Variants in CTNNA3 observed in about 807,000 individuals in gnomAD.
CTNNA3 encodes the protein catenin alpha-3.
Under a neutral mutation model 95.7 loss-of-function variants are expected in CTNNA3, and 76 were observed. The ratio of observed to expected loss-of-function variants is 0.79; its 90% CI spans 0.66 to 0.96. CTNNA3 has a LOEUF of 0.96. CTNNA3 is among the 40% of genes least tolerant of loss of function. The probability of loss-of-function intolerance (pLI) is 0.00; values close to 1 mark genes in which losing one functional copy is unlikely to be tolerated. For synonymous variants in CTNNA3, 431 were observed against 374.4 expected (o/e 1.15, Z -1.74); for missense variants, 1,191 against 1,089.8 (o/e 1.09, Z -1.31).
chr10:66,378,480 C>T (rs1234999072), intron 12 of CTNNA3, among the ~76,000 whole-genome samples: 3 of 152,086 alleles, frequency 2.0e-5, no homozygotes, highest in Admixed American at 2.0e-4. Context: ...GTTGATTGTC[C>T]TCATTGTTTT....
intron 11 of CTNNA3, among the ~76,000 whole-genome samples, chr10:66,383,975 C>G (rs2092865697): frequency 6.6e-6 from 1 of 152,128 alleles, no homozygotes; most frequent in South Asian, 2.1e-4. Flanking sequence ...ACAACTGGTA[C>G]CAGCCACTGC....
intron 3 of CTNNA3, among the ~76,000 whole-genome samples, chr10:67,597,523 G>A (rs1842964883): frequency 6.6e-6 from 1 of 152,186 alleles, no homozygotes. Flanking sequence ...GATGATTTCA[G>A]AAGGTCAAGG....
chr10:67,647,638 T>C, intron 1 of CTNNA3, 120 bp from the exon 2 acceptor site: 1 of 703,634 alleles, frequency 1.4e-6, no homozygotes, highest in South Asian at 1.9e-5. Context: ...ATATCAACCA[T>C]AGCCCTCAGA....
chr10:66,444,143 G>A (rs192481838), intron 11 of CTNNA3, among the ~76,000 whole-genome samples: 61 of 152,206 alleles, frequency 4.0e-4, no homozygotes, highest in East Asian at 5.8e-4. Context: ...AAGAAGAAAC[G>A]AACAAAGCCT....
intron 13 of CTNNA3, among the ~76,000 whole-genome samples, chr10:66,228,010 T>C (rs1211484274): frequency 2.6e-5 from 4 of 152,140 alleles, no homozygotes; most frequent in African/African-American, 9.6e-5. Context: ...GTGGTATCTG[T>C]TGTAATGCCT....
At chr10:66,223,173 T>C (rs2089063817) in intron 13 of CTNNA3, among the ~76,000 whole-genome samples, 1 of 152,034 alleles carries the variant, frequency 6.6e-6, no homozygotes, top group Non-Finnish European at 1.5e-5. Context: ...TTTGTAATGT[T>C]TCTGGACATT....
chr10:67,668,742 A>C (rs996369391), intron 1 of CTNNA3, among the ~76,000 whole-genome samples: 1 of 151,982 alleles, frequency 6.6e-6, no homozygotes, highest in African/African-American at 2.4e-5. Flanking sequence ...TTATTTCTGG[A>C]ATTTCCATTT....
At chr10:65,959,096 A>G (rs1459556174) in intron 17 of CTNNA3, among the ~76,000 whole-genome samples, 1 of 152,144 alleles carries the variant, frequency 6.6e-6, no homozygotes, top group Non-Finnish European at 1.5e-5. Flanking sequence ...GCAATGGCAG[A>G]CGCCCCTCCC....
intron 6 of CTNNA3, among the ~76,000 whole-genome samples, chr10:67,207,359 A>G (rs1367478488): frequency 2.0e-5 from 3 of 152,202 alleles, no homozygotes; most frequent in Non-Finnish European, 4.4e-5. Flanking sequence ...AGTCTTAGGT[A>G]TCTTATGCAC....
intron 7 of CTNNA3, among the ~76,000 whole-genome samples, chr10:66,946,783 A>G (rs1300682727): frequency 6.6e-6 from 1 of 151,974 alleles, no homozygotes; most frequent in East Asian, 1.9e-4. Flanking sequence ...AGGCACACAC[A>G]TAGAATTAAT....
chr10:67,486,662 GA>G (rs965393238), intron 5 of CTNNA3, among the ~76,000 whole-genome samples: 5 of 152,128 alleles, frequency 3.3e-5, no homozygotes, highest in African/African-American at 1.2e-4. Flanking sequence ...AGCATAACCT[GA>G]GATAGAGAAA....
intron 7 of CTNNA3, among the ~76,000 whole-genome samples, chr10:66,921,360 G>A (rs559457354): frequency 7.3e-4 from 111 of 152,226 alleles, no homozygotes; most frequent in African/African-American, 2.4e-3. Context: ...GAGAACATCC[G>A]ATCCACAGCA....
rs148636426 is a variant in CTNNA3, at chr10:67,688,857, C to T, written c.-6+7143G>A. Among the ~76,000 whole-genome samples, 460 of 152,228 alleles carry T rather than the reference C, an allele frequency of 3.0e-3. 4 individuals carry two copies. Among genetic ancestry groups the T allele is most frequent in the African/African-American group, 0.01 (427 of 41,544 alleles). On this transcript the variant is annotated intron_variant, in intron 1 of 17. Coordinates refer to ENST00000433211, the MANE Select transcript of CTNNA3 (RefSeq NM_013266.4). ...ACACCTCTTGCCCAAGAACCCGCAA[C>T]GGTCCCTGGACCCTGCTGATCAGAA...
chr10:67,742,929 A>G (rs914318437), intron 1 of CTNNA3, among the ~76,000 whole-genome samples: 3 of 151,426 alleles, frequency 2.0e-5, no homozygotes, highest in Non-Finnish European at 4.4e-5. Context: ...CTCTACGCAT[A>G]TATCCTCCCA....
chr10:66,005,997 C>A lies in CTNNA3; in HGVS notation c.2160-17200G>T, dbSNP rs545737898. Among the ~76,000 whole-genome samples the A allele has an allele frequency of 2.7e-5, 4 of 147,240 alleles. No homozygotes were observed. The South Asian group carries it at 8.7e-4, about 32-fold the overall frequency. On this transcript the variant is annotated intron_variant, in intron 15 of 17. Transcript: ENST00000433211. The stretch of plus-strand genomic sequence containing the variant: ...CAGACTCATATGAGTAGTAAGAATG[C>A]ACAAGGAAAGCCTTTTTTTTTTTTT...
chr10:67,075,466 C>G (rs1021767858), intron 7 of CTNNA3, among the ~76,000 whole-genome samples: 1 of 152,122 alleles, frequency 6.6e-6, no homozygotes, highest in African/African-American at 2.4e-5. Context: ...ACACCTGCCA[C>G]TATTAAGATG....
At chr10:67,112,834 A>G (rs1174430244) in intron 7 of CTNNA3, among the ~76,000 whole-genome samples, 1 of 151,794 alleles carries the variant, frequency 6.6e-6, no homozygotes, top group Admixed American at 6.6e-5. Context: ...TTTAATCAAA[A>G]CTCTTTTTGA....
chr10:66,334,638 C>G (rs144234390), intron 12 of CTNNA3, among the ~76,000 whole-genome samples: 2 of 152,014 alleles, frequency 1.3e-5, no homozygotes, highest in South Asian at 4.1e-4. Flanking sequence ...GTGGGTAACC[C>G]GACTTTTCTC....
intron 2 of CTNNA3, among the ~76,000 whole-genome samples, chr10:67,628,027 T>C (rs1046178938): frequency 6.8e-6 from 1 of 146,108 alleles, no homozygotes; most frequent in Non-Finnish European, 1.5e-5. Context: ...ACTAAATGGG[T>C]ATAGAAAGTT....
Sources: allele counts gnomAD v4.1 joint callset (sites outside exome capture counted in the v4.1 genomes callset), GRCh38; gene constraint gnomAD v4.1.1; transcripts MANE v1.5; gene names NCBI Gene and HGNC (gene_info 2026-07-23, HGNC 2026-07-21).